LCP2: variants seen among roughly 807,000 people sequenced by gnomAD.
The protein encoded by LCP2 is 76 kDa tyrosine phosphoprotein.
LCP2 carries 29 observed loss-of-function variants against 74.5 expected under a neutral mutation model. The ratio of observed to expected loss-of-function variants is 0.39; its 90% CI spans 0.29 to 0.53. The LOEUF is 0.53. Among genes scored for constraint, LCP2 ranks in the 20% least tolerant of loss-of-function variants. The pLI is 0.72. For synonymous variants in LCP2, 228 were observed against 229.5 expected (o/e 0.99, Z 0.06); for missense variants, 604 against 634.6 (o/e 0.95, Z 0.52).
intron 19 of LCP2, 191 bp downstream of exon 19, chr5:170,252,243 T>C (rs1761460946): frequency 1.7e-5 from 7 of 403,660 alleles, no homozygotes; most frequent in Non-Finnish European, 3.2e-5. Context: ...AGCCTAATGA[T>C]TCCCGAGCCT....
At chr5:170,273,929 A>C in intron 6 of LCP2, 2 of 178,842 alleles carry the variant, frequency 1.1e-5, no homozygotes, top group Middle Eastern at 2.2e-3. Context: ...ACGGGGGGGT[A>C]GTGGGTGGGG....
At chr5:170,297,168 A>G (rs892917971) in intron 1 of LCP2, among the ~76,000 whole-genome samples, 8 of 152,180 alleles carry the variant, frequency 5.3e-5, no homozygotes, top group African/African-American at 1.9e-4. Context: ...TGTAGTCCCT[A>G]GGGCTTCGGA....
intron 10 of LCP2, among the ~76,000 whole-genome samples, chr5:170,263,579 C>T (rs1023646281): frequency 6.6e-6 from 1 of 152,160 alleles, no homozygotes; most frequent in African/African-American, 2.4e-5. Flanking sequence ...TTTTGCTTTT[C>T]TTCTAGAACG....
chr5:170,287,363 C>T (rs2113208193), intron 3 of LCP2, among the ~76,000 whole-genome samples: 1 of 152,312 alleles, frequency 6.6e-6, no homozygotes, highest in South Asian at 2.1e-4. Flanking sequence ...CTGCCTGGCT[C>T]CTGTAGGTAT....
intron 2 of LCP2, among the ~76,000 whole-genome samples, chr5:170,289,671 T>TTCTTTTTCTCTC (rs1554141414): frequency 2.5e-4 from 21 of 84,134 alleles, no homozygotes; most frequent in African/African-American, 8.9e-4. Flanking sequence ...CTTTCTTTCT[T>TTCTTTTTCTCTC]TCTCTCTCTC....
At chr5:170,281,253 C>G (rs1474798696) in intron 3 of LCP2, among the ~76,000 whole-genome samples, 2 of 151,544 alleles carry the variant, frequency 1.3e-5, no homozygotes, top group South Asian at 2.1e-4. Context: ...GGAGAGAGGC[C>G]CTGTTTTGGT....
intron 10 of LCP2, among the ~76,000 whole-genome samples, chr5:170,265,346 C>G (rs1463902199): frequency 1.3e-5 from 2 of 152,124 alleles, no homozygotes; most frequent in Admixed American, 1.3e-4. Context: ...GGGGTGTAAA[C>G]ATTTTAAGAA....
At chr5:170,278,543 G>A (rs1244388744) in intron 3 of LCP2, among the ~76,000 whole-genome samples, 1 of 150,812 alleles carries the variant, frequency 6.6e-6, no homozygotes, top group Non-Finnish European at 1.5e-5. Flanking sequence ...GTGGGATGCG[G>A]TTGCCATTTA....
chr5:170,251,631 G>T, intron 19 of LCP2: 1 of 456,044 alleles, frequency 2.2e-6, no homozygotes, highest in Non-Finnish European at 4.4e-6. Flanking sequence ...ACTTTCCTTT[G>T]TTCCTTTTAT....
Position 170,246,771 on chromosome 5 carries a change from G to A in LCP2, c.*1926C>T, listed in dbSNP as rs1013813605. On this transcript the variant is annotated 3_prime_UTR_variant, in exon 21 of 21. Transcript: ENST00000046794. ...TGTTTATCACTGAGCAGGGTTCTGA[G>A]CAACTGTGACTGATGCACCTGGGGT... The A allele has an allele frequency of 6.6e-6, 1 of 152,280 alleles. No individual in the cohort carries two copies. Among genetic ancestry groups the A allele is most frequent in the East Asian group, 1.9e-4 (1 of 5,210 alleles). 9.4% of individuals were successfully genotyped at this position (152,280 alleles called of 1,614,324 possible).
chr5:170,291,010 AAGAGAGAAAGAAAGAG>A (rs1762285183), intron 2 of LCP2, among the ~76,000 whole-genome samples: 1 of 141,298 alleles, frequency 7.1e-6, no homozygotes, highest in Non-Finnish European at 1.5e-5. Flanking sequence ...GAGAGAAAGA[AAGAGAGAAAGAAAGAG>A]AGAAAGAAAG....
At chr5:170,287,712 G>A in intron 3 of LCP2, 1 of 538,132 alleles carries the variant, frequency 1.9e-6, no homozygotes, top group Non-Finnish European at 3.4e-6. Flanking sequence ...GAGAAGAGAG[G>A]AAATGAAAAC....
intron 1 of LCP2, among the ~76,000 whole-genome samples, chr5:170,294,490 G>C (rs1762338517): frequency 6.6e-6 from 1 of 152,208 alleles, no homozygotes; most frequent in African/African-American, 2.4e-5. Flanking sequence ...TTGGGGTGGA[G>C]CATTTGAGGT....
At chr5:170,287,784 G>A in intron 3 of LCP2, 186 bp downstream of exon 3, 1 of 631,176 alleles carries the variant, frequency 1.6e-6, no homozygotes, top group East Asian at 2.8e-5. Context: ...GGCTGGATCT[G>A]TGACTTCTGT....
chr5:170,259,356 T>G (rs1761614856), intron 14 of LCP2, among the ~76,000 whole-genome samples: 1 of 152,216 alleles, frequency 6.6e-6, no homozygotes, highest in African/African-American at 2.4e-5. Context: ...GTCTTCTTTT[T>G]GGCTCTCTTT....
At chr5:170,295,844 G>T (rs1452064252) in intron 1 of LCP2, among the ~76,000 whole-genome samples, 3 of 152,150 alleles carry the variant, frequency 2.0e-5, no homozygotes, top group Non-Finnish European at 4.4e-5. Context: ...GAAGGAACCT[G>T]CCTGGGTGCT....
chr5:170,266,832 A>C lies in LCP2; in HGVS notation c.748T>G (p.Phe250Val), dbSNP rs1421379457. Residue 250 changes from phenylalanine to valine, a missense_variant, in exon 10 of 21, where the codon TTT (phenylalanine) becomes GTT (valine). Physicochemically the swap from Phe to Val is conservative, Grantham distance 50. Transcript: ENST00000046794. Reference sequence around the variant, plus strand: ...CCTAGTGTGAAGGGTTCTCTATCAAACGGAGCTAATGAACGATCTAGGGGA... The same window carrying C: ...CCTAGTGTGAAGGGTTCTCTATCAACCGGAGCTAATGAACGATCTAGGGGA... ...KPPLDRSLAP[F>V]DREPFTLGKK... 1 of 1,613,882 alleles carries C rather than the reference A, an allele frequency of 6.2e-7. No individual in the cohort carries two copies. Among genetic ancestry groups the C allele is most frequent in the East Asian group, 2.2e-5 (1 of 44,890 alleles).
chr5:170,271,043 G>T, intron 6 of LCP2, 126 bp from the exon 7 acceptor site: 1 of 748,496 alleles, frequency 1.3e-6, no homozygotes, highest in Non-Finnish European at 2.1e-6. Context: ...CCTGAAGATG[G>T]TTACTCCCAT....
intron 2 of LCP2, among the ~76,000 whole-genome samples, chr5:170,289,128 G>C (rs1001858576): frequency 1.8e-4 from 27 of 152,160 alleles, no homozygotes; most frequent in African/African-American, 6.0e-4. Flanking sequence ...TTCCTTATCT[G>C]TAAAATGGGG....
Sources: allele counts gnomAD v4.1 joint callset (sites outside exome capture counted in the v4.1 genomes callset), GRCh38; gene constraint gnomAD v4.1.1; transcripts MANE v1.5; gene names NCBI Gene and HGNC (gene_info 2026-07-23, HGNC 2026-07-21).